The following YAP1 variants were observed in gnomAD, a reference collection of about 807,000 sequenced individuals.
YAP1 encodes the protein Yes1 associated transcriptional regulator.
A neutral mutation model predicts 56.9 loss-of-function variants in YAP1; 5 were observed. The ratio of observed to expected loss-of-function variants is 0.09; its 90% CI spans 0.05 to 0.18. The LOEUF is 0.18. YAP1 is among the 10% of genes least tolerant of loss of function. The pLI is 1.00. For synonymous variants in YAP1, 265 were observed against 248.1 expected (o/e 1.07, Z -0.64); for missense variants, 539 against 651.8 (o/e 0.83, Z 1.88).
intron 3 of YAP1, among the ~76,000 whole-genome samples, chr11:102,185,379 GCCT>G (rs1947892415): frequency 6.6e-6 from 1 of 152,016 alleles, no homozygotes; most frequent in South Asian, 2.1e-4. Flanking sequence ...CACTTATCTT[GCCT>G]CCTCCCAAGC....
chr11:102,209,046 C>T (rs1005325423), intron 5 of YAP1, among the ~76,000 whole-genome samples: 2 of 152,118 alleles, frequency 1.3e-5, no homozygotes, highest in African/African-American at 4.8e-5. Context: ...CCTACTGTGT[C>T]GTCTTTTCTT....
intron 2 of YAP1, among the ~76,000 whole-genome samples, chr11:102,144,600 CCTG>C (rs1945209945): frequency 6.6e-6 from 1 of 151,990 alleles, no homozygotes; most frequent in Non-Finnish European, 1.5e-5. Flanking sequence ...TTGGTGCCAC[CCTG>C]TCTGAGTTGT....
chr11:102,184,138 C>A (rs1947817003), intron 3 of YAP1, among the ~76,000 whole-genome samples: 1 of 151,408 alleles, frequency 6.6e-6, no homozygotes, highest in South Asian at 2.1e-4. Context: ...TTGAGGCTCC[C>A]AAAGGCATTC....
intron 2 of YAP1, among the ~76,000 whole-genome samples, chr11:102,128,416 C>T (rs1456509448): frequency 6.6e-6 from 1 of 152,188 alleles, no homozygotes; most frequent in Non-Finnish European, 1.5e-5. Flanking sequence ...TCATTTCTCT[C>T]TTGCCACTGC....
intron 2 of YAP1, among the ~76,000 whole-genome samples, chr11:102,144,067 C>T (rs903893001): frequency 6.6e-6 from 1 of 152,194 alleles, no homozygotes; most frequent in African/African-American, 2.4e-5. Flanking sequence ...TGAGAAGAGA[C>T]AGGATGACCT....
chr11:102,180,681 C>CAAA (rs58820066), intron 3 of YAP1, among the ~76,000 whole-genome samples: 590 of 40,478 alleles, frequency 0.015, 7 homozygotes, highest in Non-Finnish European at 0.023. Context: ...GACTCCATCT[C>CAAA]AAAAAAAAAA....
In YAP1 at chr11:102,111,019, C is replaced by T. The variant is rs776703878; in HGVS notation, c.171C>T (p.Val57=). Residue 57 remains valine, a synonymous_variant, in exon 1 of 9, where the codon GTC becomes GTT. Transcript: ENST00000282441. ...APPAGHQIVH[V]RGDSETDLEA... ...CCGCCGGGCATCAGATCGTGCACGT[C>T]CGCGGGGACTCGGAGACCGACCTGG... The T allele has an allele frequency of 5.6e-6, 9 of 1,606,258 alleles. No homozygotes were observed. The highest frequency in any genetic ancestry group is 6.8e-6 in the Non-Finnish European group (8 of 1,177,150).
chr11:102,124,886 A>C (rs1448854903), intron 2 of YAP1, among the ~76,000 whole-genome samples: 1 of 151,994 alleles, frequency 6.6e-6, no homozygotes, highest in Non-Finnish European at 1.5e-5. Flanking sequence ...CAGATTGCGT[A>C]TCACCATGCC....
At chr11:102,216,993 A>T (rs1468934024) in intron 6 of YAP1, among the ~76,000 whole-genome samples, 1 of 152,232 alleles carries the variant, frequency 6.6e-6, no homozygotes, top group Non-Finnish European at 1.5e-5. Flanking sequence ...TGTGGGACAC[A>T]TTTGGAGTCA....
intron 2 of YAP1, among the ~76,000 whole-genome samples, chr11:102,143,080 AG>A (rs1945111548): frequency 6.6e-6 from 1 of 152,202 alleles, no homozygotes; most frequent in South Asian, 2.1e-4. Flanking sequence ...GTCACTCCAA[AG>A]CAGGAGCAGT....
At chr11:102,121,786 T>G (rs75294970) in intron 2 of YAP1, among the ~76,000 whole-genome samples, 8 of 152,068 alleles carry the variant, frequency 5.3e-5, no homozygotes, top group African/African-American at 1.9e-4. Context: ...ATAAGGTATA[T>G]TATTTTTTTG....
At chr11:102,139,887 G>A (rs920523058) in intron 2 of YAP1, among the ~76,000 whole-genome samples, 6 of 151,822 alleles carry the variant, frequency 4.0e-5, no homozygotes, top group Admixed American at 3.3e-4. Flanking sequence ...TTTTTAAATG[G>A]TGACAGAAAA....
At chr11:102,113,928 A>G (rs1360891114) in intron 1 of YAP1, among the ~76,000 whole-genome samples, 1 of 152,120 alleles carries the variant, frequency 6.6e-6, no homozygotes, top group African/African-American at 2.4e-5. Context: ...ACTGCTCATC[A>G]ATACAATTAC....
chr11:102,151,196 C>G (rs1483513085), intron 2 of YAP1, among the ~76,000 whole-genome samples: 1 of 152,136 alleles, frequency 6.6e-6, no homozygotes, highest in African/African-American at 2.4e-5. Context: ...CCCTTTCCTT[C>G]CTGGGTACAT....
intron 6 of YAP1, among the ~76,000 whole-genome samples, chr11:102,210,337 A>G (rs1207453626): frequency 6.6e-6 from 1 of 152,210 alleles, no homozygotes; most frequent in African/African-American, 2.4e-5. Flanking sequence ...CTCACCTTCT[A>G]TGTAACTTAC....
At chr11:102,140,113 G>A (rs1380889916) in intron 2 of YAP1, among the ~76,000 whole-genome samples, 1 of 151,754 alleles carries the variant, frequency 6.6e-6, no homozygotes, top group African/African-American at 2.4e-5. Flanking sequence ...AAGTTTTAAA[G>A]CATAGTAGCT....
intron 4 of YAP1, among the ~76,000 whole-genome samples, chr11:102,200,994 G>A (rs1211666935): frequency 6.6e-6 from 1 of 152,150 alleles, no homozygotes; most frequent in Non-Finnish European, 1.5e-5. Flanking sequence ...AACTCCTGGG[G>A]TGGGGCGGTG....
At position 102,209,511 on chromosome 11, in the gene YAP1, T is replaced by C; in HGVS notation, c.985-6T>C. ...AATTTTTATCCGTCTTATTTTTTAC[T>C]CTTAGGCAATGCGGAATATCAATCC... is the stretch of plus-strand genomic sequence containing the variant. On this transcript the variant is annotated splice_region_variant and splice_polypyrimidine_tract_variant and intron_variant, in intron 5 of 8. Transcript: ENST00000282441. 10 of 1,605,016 alleles carry C rather than the reference T, an allele frequency of 6.2e-6. No individual in the cohort carries two copies. The highest frequency in any genetic ancestry group is 8.5e-6 in the Non-Finnish European group (10 of 1,176,398).
At chr11:102,152,885 T>A (rs7927957) in intron 2 of YAP1, among the ~76,000 whole-genome samples, 72,445 of 152,004 alleles carry the variant, frequency 0.48, 18,473 homozygotes, top group African/African-American at 0.65. Context: ...GGACCATTGG[T>A]TCTGTTAGCT....
Sources: gnomAD v4.1 joint callset for allele counts (sites outside exome capture counted in the v4.1 genomes callset) on GRCh38, gnomAD v4.1.1 for gene constraint, MANE v1.5 for transcripts, NCBI Gene and HGNC (gene_info 2026-07-23, HGNC 2026-07-21) for gene names.